The following PRKG1 variants were observed in gnomAD, a reference collection of about 807,000 sequenced individuals.
The protein encoded by PRKG1 is cGMP-dependent protein kinase 1.
A neutral mutation model predicts 88.1 loss-of-function variants in PRKG1; 35 were observed. That is an observed-to-expected ratio of 0.40 (90% CI 0.30 to 0.53). The LOEUF (loss-of-function observed/expected upper bound fraction) is 0.53. Ranked by LOEUF, PRKG1 falls within the 20% of genes least tolerant of loss-of-function variation. PRKG1 has a pLI of 0.59. For missense variants in PRKG1, 540 were observed against 839.8 expected (o/e 0.64, Z 4.41); for synonymous variants, 303 against 292.5 (o/e 1.04, Z -0.37).
At chr10:51,790,629 A>G (rs2154279) in intron 3 of PRKG1, among the ~76,000 whole-genome samples, 141,448 of 152,224 alleles carry the variant, frequency 0.93, 65,854 homozygotes, top group Middle Eastern at 0.97. Context: ...TTCATAGAGC[A>G]TTGATCTTAT....
chr10:51,707,335 T>C (rs1841634269), intron 3 of PRKG1, among the ~76,000 whole-genome samples: 1 of 152,140 alleles, frequency 6.6e-6, no homozygotes, highest in African/African-American at 2.4e-5. Context: ...CCACACAAGG[T>C]ACCTACTCGA....
chr10:52,244,845 TAA>T (rs1840977329), intron 9 of PRKG1, among the ~76,000 whole-genome samples: 2 of 31,744 alleles, frequency 6.3e-5, no homozygotes, highest in Non-Finnish European at 2.6e-4. Flanking sequence ...AATATATATT[TAA>T]ATATTTTTAT....
chr10:52,233,040 A>G (rs1010306669), intron 9 of PRKG1, among the ~76,000 whole-genome samples: 1 of 152,202 alleles, frequency 6.6e-6, no homozygotes, highest in Non-Finnish European at 1.5e-5. Flanking sequence ...GCAACAAGTC[A>G]AGGTAGTGCT....
chr10:52,187,281 G>A (rs1450567557), intron 9 of PRKG1, among the ~76,000 whole-genome samples: 2 of 152,034 alleles, frequency 1.3e-5, no homozygotes, highest in African/African-American at 2.4e-5. Context: ...TACATTAGAT[G>A]TTAAGTCACT....
At chr10:51,819,006 C>CAAAAAAAAAAAAAAAAAA (rs869048560) in intron 4 of PRKG1, among the ~76,000 whole-genome samples, 6 of 18,346 alleles carry the variant, frequency 3.3e-4, no homozygotes, top group African/African-American at 8.5e-4. Context: ...GACTCCGTCT[C>CAAAAAAAAAAAAAAAAAA]AAAAAAAAAA....
Position 51,381,256 on chromosome 10 carries a change from T to TAAAAAAAAAAAAAAAAAAAAA in PRKG1, c.479-86443_479-86423dup, listed in dbSNP as rs71029366. On this transcript the variant is annotated intron_variant, in intron 2 of 17. Transcript: ENST00000373980. ...TGGGCAACAGAGCAAGCCTCCATCTTAAAAAAAAAAAAAAAAAAAAAAAAA... is the reference window on the plus strand; with the variant it reads ...TGGGCAACAGAGCAAGCCTCCATCTTAAAAAAAAAAAAAAAAAAAAAAAAAAAAAAAAAAAAAAAAAAAAAA... Among the ~76,000 whole-genome samples, 13 of 32,058 alleles carry TAAAAAAAAAAAAAAAAAAAAA rather than the reference T, an allele frequency of 4.1e-4. 1 individual carries two copies. The highest frequency in any genetic ancestry group is 4.8e-4 in the Non-Finnish European group (8 of 16,730). The allele number at this position is 32,058 out of a possible 152,430, so 21.0% of individuals were successfully genotyped here.
chr10:52,075,898 C>T (rs1454178324), intron 7 of PRKG1, among the ~76,000 whole-genome samples: 5 of 152,116 alleles, frequency 3.3e-5, no homozygotes, highest in Admixed American at 6.5e-5. Context: ...ACTTTCATGA[C>T]CTCATCTAAA....
chr10:51,544,390 CT>C (rs1240600862), intron 3 of PRKG1, among the ~76,000 whole-genome samples: 2 of 151,922 alleles, frequency 1.3e-5, no homozygotes, highest in East Asian at 3.9e-4. Context: ...TGAACTAATC[CT>C]TTTTTATGGC....
intron 2 of PRKG1, among the ~76,000 whole-genome samples, chr10:51,321,136 T>C (rs1841444225): frequency 1.3e-5 from 2 of 152,130 alleles, no homozygotes; most frequent in South Asian, 4.1e-4. Context: ...CCACAAATGA[T>C]TCAATGGGAG....
intron 3 of PRKG1, among the ~76,000 whole-genome samples, chr10:51,611,980 T>G (rs2132246069): frequency 6.6e-6 from 1 of 152,250 alleles, no homozygotes; most frequent in South Asian, 2.1e-4. Context: ...TTTTCTACTC[T>G]TTTCTATTGG....
At chr10:52,268,222 A>G (rs1408827567) in intron 10 of PRKG1, among the ~76,000 whole-genome samples, 1 of 152,170 alleles carries the variant, frequency 6.6e-6, no homozygotes, top group East Asian at 1.9e-4. Flanking sequence ...GTAAAGGCAA[A>G]GCAGAAAGCC....
intron 7 of PRKG1, among the ~76,000 whole-genome samples, chr10:52,064,708 G>A (rs888583315): frequency 2.0e-5 from 3 of 152,206 alleles, no homozygotes; most frequent in African/African-American, 7.2e-5. Flanking sequence ...GGCTTAGGCA[G>A]CTGCAGTGGT....
chr10:52,216,622 A>G (rs1218864430), intron 9 of PRKG1, among the ~76,000 whole-genome samples: 1 of 152,124 alleles, frequency 6.6e-6, no homozygotes, highest in Non-Finnish European at 1.5e-5. Flanking sequence ...AGCATTGTAG[A>G]TAGATTTTGA....
chr10:52,127,246 C>T (rs1039868719), intron 7 of PRKG1, among the ~76,000 whole-genome samples: 1 of 152,002 alleles, frequency 6.6e-6, no homozygotes, highest in Non-Finnish European at 1.5e-5. Flanking sequence ...AATGCTGATG[C>T]CATTTACCAT....
chr10:52,224,893 A>T (rs1840354421), intron 9 of PRKG1, among the ~76,000 whole-genome samples: 1 of 148,658 alleles, frequency 6.7e-6, no homozygotes, highest in Non-Finnish European at 1.5e-5. Flanking sequence ...ATTGATGGGC[A>T]TTTGGGTTGG....
At chr10:51,068,347 C>T (rs1421155451) in intron 1 of PRKG1, 2 of 151,978 alleles carry the variant, frequency 1.3e-5, no homozygotes, top group Non-Finnish European at 2.9e-5. Context: ...TCCCTTGAAT[C>T]ACTGACATTC....
At chr10:51,494,573 G>A (rs1015650067) in intron 3 of PRKG1, among the ~76,000 whole-genome samples, 8 of 152,136 alleles carry the variant, frequency 5.3e-5, no homozygotes, top group African/African-American at 1.9e-4. Context: ...AGAACAAATG[G>A]AGATAGCAAA....
chr10:52,113,743 G>A lies in PRKG1; in HGVS notation c.936-20097G>A, dbSNP rs186501984. Among the ~76,000 whole-genome samples the A allele has an allele frequency of 2.6e-5, 4 of 152,214 alleles. No homozygotes were observed. In the East Asian group the frequency reaches 5.8e-4, roughly 22 times the overall value. ...AGCTGCACATAATTAAAATCACTAG[G>A]TACCTTAATTAAGATTATTAAGTGT... On this transcript the variant is annotated intron_variant, in intron 7 of 17. Coordinates refer to ENST00000373980, the MANE Select transcript of PRKG1 (RefSeq NM_006258.4).
At chr10:51,483,165 C>T (rs1840422436) in intron 3 of PRKG1, among the ~76,000 whole-genome samples, 1 of 151,908 alleles carries the variant, frequency 6.6e-6, no homozygotes, top group Non-Finnish European at 1.5e-5. Context: ...GGACTATAGG[C>T]GCCTGCCACC....
Sources: allele counts gnomAD v4.1 joint callset (sites outside exome capture counted in the v4.1 genomes callset), GRCh38; gene constraint gnomAD v4.1.1; transcripts MANE v1.5; gene names NCBI Gene and HGNC (gene_info 2026-07-23, HGNC 2026-07-21).